The following PLAGL1 variants were observed in gnomAD, a reference collection of about 807,000 sequenced individuals.
PLAGL1 encodes zinc finger protein PLAGL1.
Under a neutral mutation model 4.6 loss-of-function variants are expected in PLAGL1, and 1 was observed. That is an observed-to-expected ratio of 0.22 (90% CI 0.08 to 1.03). The LOEUF (loss-of-function observed/expected upper bound fraction) is 1.03, where lower values mean the gene tolerates loss of function less well. Ranked by LOEUF, PLAGL1 falls within the 50% of genes least tolerant of loss-of-function variation. The pLI, the probability that PLAGL1 is intolerant of heterozygous loss-of-function variation, is 0.58. For missense variants in PLAGL1, 464 were observed against 570.4 expected, an observed-to-expected ratio of 0.81 and a Z score of 1.90; for synonymous variants, 240 against 237.8, an observed-to-expected ratio of 1.01 and a Z score of -0.08.
intron 1 of PLAGL1, among the ~76,000 whole-genome samples, chr6:144,045,519 G>C (rs1289280869): frequency 6.6e-6 from 1 of 152,178 alleles, no homozygotes; most frequent in African/African-American, 2.4e-5. Context: ...ATTGGCCCCT[G>C]CTCTCTTCTG....
chr6:144,038,234 C>T (rs1362697667), intron 1 of PLAGL1, among the ~76,000 whole-genome samples: 1 of 152,178 alleles, frequency 6.6e-6, no homozygotes, highest in Non-Finnish European at 1.5e-5. Context: ...AACTTATCTA[C>T]TTATTGTTTG....
At chr6:144,046,996 G>A (rs116815672) in intron 1 of PLAGL1, among the ~76,000 whole-genome samples, 2,469 of 152,316 alleles carry the variant, frequency 0.016, 65 homozygotes, top group African/African-American at 0.056. Flanking sequence ...CGTGGGACCC[G>A]CTGAGCCAGG....
chr6:143,948,632 G>A lies in PLAGL1; in HGVS notation c.-324-172C>T, dbSNP rs746778342. On this transcript the variant is annotated intron_variant, in intron 6 of 7. Transcript: ENST00000674357. The surrounding 1 kb of genome is among the most constrained non-coding windows in gnomAD (Gnocchi z 6.0). The stretch of plus-strand genomic sequence containing the variant: ...ATCTGCATACAAGTCTACACTTTTG[G>A]CTTCTCAGAGGGTGAGGAGTCAAGC... 6.6e-6 allele frequency among the ~76,000 whole-genome samples: 1 copy of A among 152,132 alleles called. No individual in the cohort carries two copies. Among genetic ancestry groups the A allele is most frequent in the Admixed American group, 6.5e-5 (1 of 15,276 alleles).
Position 143,941,302 on chromosome 6 carries a change from G to GTCA in PLAGL1, c.*119_*121dup. 1.5e-6 allele frequency: 1 copy of GTCA among 684,542 alleles called. No homozygotes were observed. The highest frequency in any genetic ancestry group is 2.3e-6 in the Non-Finnish European group (1 of 428,078). 42.4% of individuals were successfully genotyped at this position (684,542 alleles called of 1,614,324 possible). Reference sequence around the variant, plus strand: ...AGAATTCTCTTATCATCTCAAGCCAGTCATCACTGAATAAGCCATAGTCCC... The same window carrying GTCA: ...AGAATTCTCTTATCATCTCAAGCCAGTCATCATCACTGAATAAGCCATAGTCCC... On this transcript the variant is annotated 3_prime_UTR_variant, in exon 8 of 8. Transcript: ENST00000674357. The surrounding 1 kb of genome is among the most constrained non-coding windows in gnomAD (Gnocchi z 6.0).
At chr6:143,993,331 AAC>A (rs746624620) in intron 1 of PLAGL1, among the ~76,000 whole-genome samples, 48,116 of 142,036 alleles carry the variant, frequency 0.34, 8,390 homozygotes, top group Non-Finnish European at 0.43. Context: ...AACAAAACAA[AAC>A]ACACACACAC....
At position 143,984,761 on chromosome 6, in the gene PLAGL1, C is replaced by G. The variant is rs1788666149; in HGVS notation, c.-544+374G>C. 6.6e-6 allele frequency among the ~76,000 whole-genome samples: 1 copy of G among 152,116 alleles called. No individual in the cohort carries two copies. ...TCAATTCTCCTCCGTAAAAATGACA[C>G]TTCATAGACTATTTAAAAACAAAGA... is the stretch of plus-strand genomic sequence containing the variant. On this transcript the variant is annotated intron_variant, in intron 2 of 7. Transcript: ENST00000674357. This position sits in a 1 kb window ranked among gnomAD's most constrained non-coding sequence, Gnocchi z 5.5.
rs141321116 is a variant in PLAGL1, at chr6:143,990,312, G to A, written c.-583-5138C>T. Among the ~76,000 whole-genome samples, 292 of 152,126 alleles carry A rather than the reference G, an allele frequency of 1.9e-3. 4 individuals are homozygous for A. Among genetic ancestry groups the A allele is most frequent in the East Asian group, 0.014 (70 of 5,172 alleles). On this transcript the variant is annotated intron_variant, in intron 1 of 7. Transcript: ENST00000674357. The surrounding 1 kb of genome is among the most constrained non-coding windows in gnomAD (Gnocchi z 5.4). Reference sequence around the variant, plus strand: ...ATTTTTGTATTTTTATTAGAGACGGGGTTTCAACATGTTGGCCAGGATGGT... The same window carrying A: ...ATTTTTGTATTTTTATTAGAGACGGAGTTTCAACATGTTGGCCAGGATGGT...
rs1782870322 is a variant in PLAGL1, at chr6:143,959,394, A to G, written c.-325+1075T>C. Among the ~76,000 whole-genome samples, 1 of 152,072 alleles carries G rather than the reference A, an allele frequency of 6.6e-6. No individual in the cohort carries two copies. Among genetic ancestry groups the G allele is most frequent in the South Asian group, 2.1e-4 (1 of 4,814 alleles). On this transcript the variant is annotated intron_variant, in intron 6 of 7. Transcript: ENST00000674357. The surrounding 1 kb of genome is among the most constrained non-coding windows in gnomAD (Gnocchi z 5.3). ...CTCCTAGTCTTCTAATGTCAGGCAC[A>G]CTGTAAACAGAAGATACAGGCAAGA...
rs1430947051 is a variant in PLAGL1 at position 144,016,885 on chromosome 6, G to A, written c.-151+47583C>T. On this transcript the variant is annotated intron_variant, in intron 1 of 3. Coordinates refer to the PLAGL1 transcript ENST00000437412. This position sits in a 1 kb window ranked among gnomAD's most constrained non-coding sequence, Gnocchi z 4.2. The stretch of plus-strand genomic sequence containing the variant: ...GAATTGACCTTCTGCTGTTTTTTTT[G>A]TTGTGAGCTTTTTCATTAGCACTCT... 6.6e-6 allele frequency among the ~76,000 whole-genome samples: 1 copy of A among 151,684 alleles called. No homozygotes were observed. Among genetic ancestry groups the A allele is most frequent in the African/African-American group, 2.4e-5 (1 of 41,300 alleles).
Position 144,015,214 on chromosome 6 carries a change from T to G in PLAGL1, c.-150-46236A>C, listed in dbSNP as rs936904706. On this transcript the variant is annotated intron_variant, in intron 1 of 3. Coordinates refer to the PLAGL1 transcript ENST00000437412. The surrounding 1 kb of genome is among the most constrained non-coding windows in gnomAD (Gnocchi z 4.3). ...TAAAATATCCTATTAATTTTTATAT[T>G]GATTACATGTTGAAATAATATTTTA... 1.3e-5 allele frequency among the ~76,000 whole-genome samples: 2 copies of G among 152,248 alleles called. No individual in the cohort carries two copies. Among genetic ancestry groups the G allele is most frequent in the Non-Finnish European group, 2.9e-5 (2 of 68,036 alleles).
chr6:143,955,434 A>T lies in PLAGL1; in HGVS notation c.-325+5035T>A, dbSNP rs1323012077. 6.6e-6 allele frequency among the ~76,000 whole-genome samples: 1 copy of T among 152,136 alleles called. No individual in the cohort carries two copies. Among genetic ancestry groups the T allele is most frequent in the Non-Finnish European group, 1.5e-5 (1 of 68,038 alleles). On this transcript the variant is annotated intron_variant, in intron 6 of 7. Coordinates refer to ENST00000674357, the MANE Select transcript of PLAGL1 (RefSeq NM_001317162.2). The surrounding 1 kb of genome is among the most constrained non-coding windows in gnomAD (Gnocchi z 4.9). ...GTCATAAATTGTTTTTAGCAGATTG[A>T]TCTATTTAGTCAAGTCCAGCCACAA...
Position 143,941,404 on chromosome 6 carries a change from A to AAAT in PLAGL1, c.*17_*19dup, listed in dbSNP as rs1480729709. 4.7e-6 allele frequency: 7 copies of AAAT among 1,488,426 alleles called. No individual in the cohort carries two copies. In the African/African-American group the frequency reaches 9.8e-5, roughly 21 times the overall value. The allele number at this position is 1,488,426 out of a possible 1,614,324, so 92.2% of individuals were successfully genotyped here. On this transcript the variant is annotated 3_prime_UTR_variant, in exon 8 of 8. Coordinates refer to ENST00000674357, the MANE Select transcript of PLAGL1 (RefSeq NM_001317162.2). The surrounding 1 kb of genome is among the most constrained non-coding windows in gnomAD (Gnocchi z 6.0). ...CTTAAAACATCTTCCAGAATACGAA[A>AAAT]AATACACTTTAAAAATCAATTATCT...
chr6:143,984,841 A>T lies in PLAGL1; in HGVS notation c.-544+294T>A, dbSNP rs1373519314. Among the ~76,000 whole-genome samples, 1 of 152,218 alleles carries T rather than the reference A, an allele frequency of 6.6e-6. No individual in the cohort carries two copies. Among genetic ancestry groups the T allele is most frequent in the Admixed American group, 6.5e-5 (1 of 15,270 alleles). On this transcript the variant is annotated intron_variant, in intron 2 of 7. Coordinates refer to ENST00000674357, the MANE Select transcript of PLAGL1 (RefSeq NM_001317162.2). The surrounding 1 kb of genome is among the most constrained non-coding windows in gnomAD (Gnocchi z 5.5). ...TGCCCAACAGGACGTCTGCATCTAT[A>T]TACAACCTCAGCTCTGCCCTTTGCT...
chr6:144,060,508 GAGA>G (rs1377603491), intron 1 of PLAGL1, among the ~76,000 whole-genome samples: 2 of 152,162 alleles, frequency 1.3e-5, no homozygotes, highest in African/African-American at 2.4e-5. Context: ...TTACTTGATT[GAGA>G]AGGTTAAAAA....
rs897176680 is a variant in PLAGL1 at position 143,994,295 on chromosome 6, T to C, written c.-583-9121A>G. On this transcript the variant is annotated intron_variant, in intron 1 of 7. Transcript: ENST00000674357. The surrounding 1 kb of genome is among the most constrained non-coding windows in gnomAD (Gnocchi z 4.3). ...GTGTCAGAAAAACGAGGAATTTTCC[T>C]ATATATTGTAAATTTTAAGACTTCA... Among the ~76,000 whole-genome samples the C allele has an allele frequency of 2.0e-5, 3 of 152,226 alleles. No individual in the cohort carries two copies. The highest frequency in any genetic ancestry group is 2.9e-5 in the Non-Finnish European group (2 of 68,038).
rs76509808 is a variant in PLAGL1 at position 144,027,242 on chromosome 6, A to T, written c.-151+37226T>A. 1.2e-5 allele frequency among the ~76,000 whole-genome samples: 1 copy of T among 86,164 alleles called. No individual in the cohort carries two copies. The highest frequency in any genetic ancestry group is 4.1e-5 in the African/African-American group (1 of 24,520). 56.5% of individuals were successfully genotyped at this position (86,164 alleles called of 152,430 possible). ...CCAACTCAAAGAACGAACGAAAGAAAGAAAGAAAGAAAGAAAGAAAGAAAG... is the reference window on the plus strand; with the variant it reads ...CCAACTCAAAGAACGAACGAAAGAATGAAAGAAAGAAAGAAAGAAAGAAAG... On this transcript the variant is annotated intron_variant, in intron 1 of 3. Transcript: ENST00000437412. This position sits in a 1 kb window ranked among gnomAD's most constrained non-coding sequence, Gnocchi z 5.8.
intron 1 of PLAGL1, among the ~76,000 whole-genome samples, chr6:144,020,586 CTTTG>C (rs891213762): frequency 4.0e-5 from 6 of 150,890 alleles, no homozygotes; most frequent in African/African-American, 1.5e-4. Flanking sequence ...ACGCCCGGCC[CTTTG>C]TTTGTTTTTA....
Position 144,034,706 on chromosome 6 carries a change from T to A in PLAGL1, c.-151+29762A>T, listed in dbSNP as rs1797091738. 6.6e-6 allele frequency among the ~76,000 whole-genome samples: 1 copy of A among 152,194 alleles called. No individual in the cohort carries two copies. Among genetic ancestry groups the A allele is most frequent in the Admixed American group, 6.5e-5 (1 of 15,278 alleles). ...GTTTATTTTATTCTAAAAATCAGGTTTTCCCCCTAGCTTTTAAGATTGAAA... is the reference window on the plus strand; with the variant it reads ...GTTTATTTTATTCTAAAAATCAGGTATTCCCCCTAGCTTTTAAGATTGAAA... On this transcript the variant is annotated intron_variant, in intron 1 of 3. Transcript: ENST00000437412. This position sits in a 1 kb window ranked among gnomAD's most constrained non-coding sequence, Gnocchi z 4.7.
Position 143,953,809 on chromosome 6 carries a change from C to T in PLAGL1, c.-324-5349G>A, listed in dbSNP as rs1039432462. Reference sequence around the variant, plus strand: ...AACAACCTGCTATACCCTGAAGCATCTACCATATGTCTCTGCAATTTGGTA... The same window carrying T: ...AACAACCTGCTATACCCTGAAGCATTTACCATATGTCTCTGCAATTTGGTA... On this transcript the variant is annotated intron_variant, in intron 6 of 7. Transcript: ENST00000674357. This position sits in a 1 kb window ranked among gnomAD's most constrained non-coding sequence, Gnocchi z 5.3. Among the ~76,000 whole-genome samples, 1 of 152,224 alleles carries T rather than the reference C, an allele frequency of 6.6e-6. No homozygotes were observed. The highest frequency in any genetic ancestry group is 1.5e-5 in the Non-Finnish European group (1 of 68,042).
Sources: allele counts gnomAD v4.1 joint callset (sites outside exome capture counted in the v4.1 genomes callset), GRCh38; gene constraint gnomAD v4.1.1; non-coding constraint Gnocchi (gnomAD v3.1); transcripts MANE v1.5; gene names NCBI Gene and HGNC (gene_info 2026-07-23, HGNC 2026-07-21).